DOCK4: variants seen among roughly 807,000 people sequenced by gnomAD.
The protein encoded by DOCK4 is dedicator of cytokinesis 4.
In DOCK4, 97 loss-of-function variants were observed where a neutral mutation model predicts 268.1. The observed-to-expected ratio is 0.36, with a 90% CI of 0.31 to 0.43. The LOEUF is 0.43. DOCK4 is among the 20% of genes least tolerant of loss of function. DOCK4 has a pLI of 1.00. For synonymous variants in DOCK4, 954 were observed against 887.2 expected (o/e 1.08, Z -1.34); for missense variants, 2,145 against 2,455.7 (o/e 0.87, Z 2.67).
Position 111,977,126 on chromosome 7 carries a change from A to G in DOCK4, c.701+6T>C. On this transcript the variant is annotated splice_donor_region_variant and intron_variant, in intron 8 of 52. Transcript: ENST00000428084. ...ACATTGAAACCCTATCTCCACGTGC[A>G]GGTACCTGATTGGCCGGTTCTCTTT... 1 of 1,613,176 alleles carries G rather than the reference A, an allele frequency of 6.2e-7. No individual in the cohort carries two copies. Among genetic ancestry groups the G allele is most frequent in the East Asian group, 2.2e-5 (1 of 44,854 alleles).
intron 1 of DOCK4, among the ~76,000 whole-genome samples, chr7:112,095,210 T>C (rs1035266957): frequency 1.3e-5 from 2 of 151,728 alleles, no homozygotes; most frequent in African/African-American, 4.8e-5. Context: ...CAAGGAGGAG[T>C]CAAAGAAAGA....
chr7:112,096,055 C>G (rs1317888526), intron 1 of DOCK4, among the ~76,000 whole-genome samples: 1 of 152,150 alleles, frequency 6.6e-6, no homozygotes, highest in Non-Finnish European at 1.5e-5. Context: ...CACCATTGCA[C>G]TCCAGCCTGG....
intron 1 of DOCK4, among the ~76,000 whole-genome samples, chr7:112,067,019 A>C (rs940417394): frequency 2.8e-4 from 43 of 151,066 alleles, no homozygotes; most frequent in African/African-American, 9.0e-4. Flanking sequence ...CAAACCAAAC[A>C]AAACCCAAAA....
chr7:111,753,461 C>A (rs971326419), intron 42 of DOCK4, among the ~76,000 whole-genome samples: 1 of 152,194 alleles, frequency 6.6e-6, no homozygotes, highest in Non-Finnish European at 1.5e-5. Context: ...GGTGACAGAG[C>A]AAGACCCAGT....
chr7:111,830,887 A>G (rs1802766523), intron 26 of DOCK4, among the ~76,000 whole-genome samples: 1 of 151,966 alleles, frequency 6.6e-6, no homozygotes, highest in Admixed American at 6.6e-5. Context: ...TATTTAGGGA[A>G]CCTTTCATGA....
intron 29 of DOCK4, 59 bp downstream of exon 29, chr7:111,809,242 T>G: frequency 7.6e-7 from 1 of 1,312,782 alleles, no homozygotes; most frequent in Non-Finnish European, 1.1e-6. Flanking sequence ...TATGAATCAT[T>G]TGAACTAAAT....
rs185297106 is a variant in DOCK4, at chr7:111,994,222, T to C, written c.228A>G (p.Glu76=). The C allele has an allele frequency of 6.3e-7, 1 of 1,585,298 alleles. No individual in the cohort carries two copies. Among genetic ancestry groups the C allele is most frequent in the African/African-American group, 1.3e-5 (1 of 74,120 alleles). Residue 76 remains glutamate, a synonymous_variant, in exon 5 of 53, where the codon GAA becomes GAG. Transcript: ENST00000428084. ...CAGAGTCTTCAGTGGGAATAACCAT[T>C]TCAAATTGTCTGTGAAATTAAAAAA... The part of the protein sequence containing the change: ...NACVKNKGQF[E]MVIPTEDSVI...
chr7:111,748,648 T>C (rs1455698929), intron 42 of DOCK4, among the ~76,000 whole-genome samples: 1 of 152,146 alleles, frequency 6.6e-6, no homozygotes, highest in East Asian at 1.9e-4. Flanking sequence ...TCTCAATTAC[T>C]GCTACTGGAA....
At chr7:111,766,902 A>G in intron 38 of DOCK4, 130 bp downstream of exon 38, 1 of 646,918 alleles carries the variant, frequency 1.5e-6, no homozygotes, top group Non-Finnish European at 2.7e-6. Context: ...TAAATAGCTA[A>G]GTATGCTTCA....
chr7:111,746,274 C>T, intron 44 of DOCK4, 60 bp downstream of exon 44: 1 of 1,392,496 alleles, frequency 7.2e-7, no homozygotes, highest in Non-Finnish European at 1.0e-6. Flanking sequence ...AGAGGGGGCT[C>T]TAGGTAAGCA....
At chr7:111,992,279 A>C (rs1799604055) in intron 5 of DOCK4, among the ~76,000 whole-genome samples, 1 of 152,172 alleles carries the variant, frequency 6.6e-6, no homozygotes, top group South Asian at 2.1e-4. Context: ...TCCAGTAGAG[A>C]AGCTAGGTGC....
At chr7:111,951,667 G>GA (rs1355403506) in intron 8 of DOCK4, among the ~76,000 whole-genome samples, 3 of 147,666 alleles carry the variant, frequency 2.0e-5, no homozygotes, top group Admixed American at 6.8e-5. Context: ...AAAAAAAGAA[G>GA]AAGAAAGAAA....
chr7:111,904,063 G>T (rs1284708429), intron 13 of DOCK4, among the ~76,000 whole-genome samples: 1 of 152,224 alleles, frequency 6.6e-6, no homozygotes, highest in Non-Finnish European at 1.5e-5. Flanking sequence ...TCTGCTGGAA[G>T]GACGTGGCCT....
intron 1 of DOCK4, among the ~76,000 whole-genome samples, chr7:112,185,450 C>G (rs1325065505): frequency 6.6e-6 from 1 of 152,032 alleles, no homozygotes; most frequent in Non-Finnish European, 1.5e-5. Flanking sequence ...TTAAAAGGAT[C>G]AAACAGGACA....
At chr7:111,854,709 G>A (rs763636986) in intron 23 of DOCK4, among the ~76,000 whole-genome samples, 5 of 152,076 alleles carry the variant, frequency 3.3e-5, no homozygotes, top group African/African-American at 9.7e-5. Flanking sequence ...ACTGTATCCC[G>A]ATCCCTAACC....
intron 1 of DOCK4, among the ~76,000 whole-genome samples, chr7:112,188,478 T>G (rs1050976957): frequency 1.3e-5 from 2 of 152,242 alleles, no homozygotes; most frequent in Non-Finnish European, 2.9e-5. Flanking sequence ...AAACTGGAGT[T>G]AACCCTTTCA....
At chr7:112,146,312 C>T (rs1815486608) in intron 1 of DOCK4, among the ~76,000 whole-genome samples, 1 of 152,152 alleles carries the variant, frequency 6.6e-6, no homozygotes. Context: ...AGAGGCTTTC[C>T]AAGGCTTTCT....
At chr7:111,886,642 T>G (rs934448794) in intron 16 of DOCK4, among the ~76,000 whole-genome samples, 3 of 151,910 alleles carry the variant, frequency 2.0e-5, no homozygotes, top group Admixed American at 6.6e-5. Flanking sequence ...ACAATACACT[T>G]AAAGGCACCG....
Position 111,742,043 on chromosome 7 carries a change from G to T in DOCK4, c.4767C>A (p.Phe1589Leu), listed in dbSNP as rs3757651. The change falls in exon 45 of 53, where the codon TTC becomes TTA. Residue 1589 changes from phenylalanine (F) to leucine (L), a missense_variant. By Grantham distance (22) the Phe-to-Leu change is conservative. Transcript: ENST00000428084. ...RPLHKKLVDQ[F>L]FVMKSSLGIQ... ...TCCCTAAGCTCGACTTCATCACAAA[G>T]AATTGGTCAACCAGCTTTTTGTGAA... 1.2e-3 allele frequency: 1,949 copies of T among 1,607,082 alleles called. 19 individuals are homozygous for T. The East Asian group carries it at 0.023, about 19-fold the overall frequency.
Sources: gnomAD v4.1 joint callset for allele counts (sites outside exome capture counted in the v4.1 genomes callset) on GRCh38, gnomAD v4.1.1 for gene constraint, MANE v1.5 for transcripts, NCBI Gene and HGNC (gene_info 2026-07-23, HGNC 2026-07-21) for gene names.